Variants in KCNIP4 observed in about 807,000 individuals in gnomAD.
KCNIP4 encodes potassium voltage-gated channel interacting protein 4.
KCNIP4 carries 12 observed loss-of-function variants against 34.0 expected under a neutral mutation model. The ratio of observed to expected loss-of-function variants is 0.35; its 90% CI spans 0.23 to 0.57. The LOEUF is 0.57. Ranked by LOEUF, KCNIP4 falls within the 20% of genes least tolerant of loss-of-function variation. The pLI is 0.83. For synonymous variants in KCNIP4, 124 were observed against 102.2 expected (o/e 1.21, Z -1.29); for missense variants, 238 against 311.7 (o/e 0.76, Z 1.78).
At chr4:21,822,436 C>A (rs1722411513) in intron 1 of KCNIP4, among the ~76,000 whole-genome samples, 1 of 152,092 alleles carries the variant, frequency 6.6e-6, no homozygotes, top group Non-Finnish European at 1.5e-5. Context: ...GGGTACTAAT[C>A]CAAAATGTCA....
chr4:20,970,193 G>A (rs939198457), intron 1 of KCNIP4, among the ~76,000 whole-genome samples: 8 of 151,932 alleles, frequency 5.3e-5, no homozygotes, highest in African/African-American at 1.7e-4. Flanking sequence ...CACCCACCTC[G>A]GCCTCCCAAA....
At chr4:20,864,311 T>C (rs1722633443) in intron 2 of KCNIP4, among the ~76,000 whole-genome samples, 1 of 151,530 alleles carries the variant, frequency 6.6e-6, no homozygotes, top group Admixed American at 6.6e-5. Flanking sequence ...TATGCATATA[T>C]ACATACGTTT....
chr4:21,820,887 G>T (rs1722317790), intron 1 of KCNIP4, among the ~76,000 whole-genome samples: 1 of 152,048 alleles, frequency 6.6e-6, no homozygotes, highest in Admixed American at 6.6e-5. Context: ...AGACACTGAG[G>T]TTGAAAAATA....
intron 1 of KCNIP4, among the ~76,000 whole-genome samples, chr4:21,028,587 T>A (rs1204541776): frequency 6.6e-6 from 1 of 152,182 alleles, no homozygotes; most frequent in African/African-American, 2.4e-5. Flanking sequence ...AACCATTGCC[T>A]CCCACACTCT....
At chr4:20,936,861 A>G (rs1361814311) in intron 1 of KCNIP4, among the ~76,000 whole-genome samples, 1 of 152,226 alleles carries the variant, frequency 6.6e-6, no homozygotes, top group African/African-American at 2.4e-5. Context: ...TATTAAAGAC[A>G]GAGTGCAGGT....
At chr4:21,041,777 A>G (rs1214282816) in intron 1 of KCNIP4, among the ~76,000 whole-genome samples, 3 of 152,232 alleles carry the variant, frequency 2.0e-5, no homozygotes, top group African/African-American at 4.8e-5. Context: ...ATAAGCAGGC[A>G]GCATACCATG....
chr4:21,464,418 C>T (rs554972826), intron 1 of KCNIP4, among the ~76,000 whole-genome samples: 4 of 152,066 alleles, frequency 2.6e-5, no homozygotes, highest in Non-Finnish European at 4.4e-5. Flanking sequence ...TCTCTCATAG[C>T]ATTTTCTAAT....
intron 1 of KCNIP4, among the ~76,000 whole-genome samples, chr4:21,270,880 G>T (rs1762101366): frequency 6.6e-6 from 1 of 151,792 alleles, no homozygotes; most frequent in African/African-American, 2.4e-5. Context: ...CAGCTATTCA[G>T]GGGGCTGAGG....
At chr4:21,540,151 T>C (rs1476044204) in intron 1 of KCNIP4, among the ~76,000 whole-genome samples, 1 of 152,196 alleles carries the variant, frequency 6.6e-6, no homozygotes, top group African/African-American at 2.4e-5. Flanking sequence ...TTTGAAAATC[T>C]CAATATTTCT....
intron 1 of KCNIP4, among the ~76,000 whole-genome samples, chr4:21,220,824 T>C (rs1339077429): frequency 2.0e-5 from 3 of 152,174 alleles, no homozygotes; most frequent in African/African-American, 7.2e-5. Context: ...CTATGTGAGT[T>C]AATATATTCT....
intron 1 of KCNIP4, among the ~76,000 whole-genome samples, chr4:21,631,555 A>T (rs1745767700): frequency 6.6e-6 from 1 of 152,304 alleles, no homozygotes; most frequent in African/African-American, 2.4e-5. Flanking sequence ...ACTTCAAAAA[A>T]TGTATTTCTA....
chr4:21,833,667 A>G lies in KCNIP4; in HGVS notation c.61+114904T>C, dbSNP rs1009659695. Among the ~76,000 whole-genome samples, 19 of 152,152 alleles carry G rather than the reference A, an allele frequency of 1.2e-4. No homozygotes were observed. The East Asian group carries it at 2.3e-3, about 19-fold the overall frequency. On this transcript the variant is annotated intron_variant, in intron 1 of 8. Coordinates refer to ENST00000382152, the MANE Select transcript of KCNIP4 (RefSeq NM_025221.6). ...TGTTTTAGACACGAAGTCCTTGCCC[A>G]TGCCTATGTCCTGAATGGTAATGCC...
intron 1 of KCNIP4, among the ~76,000 whole-genome samples, chr4:21,159,144 A>G (rs1753388258): frequency 6.6e-6 from 1 of 152,154 alleles, no homozygotes; most frequent in East Asian, 1.9e-4. Context: ...AATCTAGACT[A>G]GCCAGGGAAA....
intron 1 of KCNIP4, among the ~76,000 whole-genome samples, chr4:21,127,883 T>A (rs926761980): frequency 1.3e-5 from 2 of 152,204 alleles, no homozygotes; most frequent in Non-Finnish European, 2.9e-5. Flanking sequence ...AACAAAGATA[T>A]ATAAAAATCA....
intron 1 of KCNIP4, chr4:21,304,077 G>GAGAGAGAC: frequency 3.3e-6 from 1 of 306,508 alleles, no homozygotes; most frequent in Non-Finnish European, 4.4e-6. Context: ...GACAGAGAGA[G>GAGAGAGAC]AGAGAGAGAC....
intron 1 of KCNIP4, among the ~76,000 whole-genome samples, chr4:21,321,024 A>C (rs1714349503): frequency 6.6e-6 from 1 of 151,516 alleles, no homozygotes; most frequent in African/African-American, 2.4e-5. Context: ...AAAGGTCATG[A>C]ATTGTGGTAA....
At chr4:21,233,694 A>G (rs1342989005) in intron 1 of KCNIP4, among the ~76,000 whole-genome samples, 1 of 151,286 alleles carries the variant, frequency 6.6e-6, no homozygotes, top group Non-Finnish European at 1.5e-5. Flanking sequence ...TGGGGACTGT[A>G]AGATTTCTTA....
At chr4:21,146,321 C>T (rs965964210) in intron 1 of KCNIP4, among the ~76,000 whole-genome samples, 12 of 152,060 alleles carry the variant, frequency 7.9e-5, no homozygotes, top group Non-Finnish European at 1.8e-4. Context: ...TGGGGTGAAC[C>T]CGGGAGGCGG....
At chr4:21,189,528 C>T (rs948291514) in intron 1 of KCNIP4, among the ~76,000 whole-genome samples, 5 of 152,158 alleles carry the variant, frequency 3.3e-5, no homozygotes, top group African/African-American at 1.2e-4. Context: ...GTGTACAAAA[C>T]CCACTTATGT....
Sources: gnomAD v4.1 joint callset for allele counts (sites outside exome capture counted in the v4.1 genomes callset) on GRCh38, gnomAD v4.1.1 for gene constraint, MANE v1.5 for transcripts, NCBI Gene and HGNC (gene_info 2026-07-23, HGNC 2026-07-21) for gene names.